CTNNA3: variants seen among roughly 807,000 people sequenced by gnomAD.
CTNNA3 encodes the protein catenin alpha-3.
CTNNA3 carries 76 observed loss-of-function variants against 95.7 expected under a neutral mutation model. The observed-to-expected ratio is 0.79, with a 90% CI of 0.66 to 0.96. CTNNA3 has a LOEUF of 0.96. CTNNA3 is among the 40% of genes least tolerant of loss of function. The pLI is 0.00. For synonymous variants in CTNNA3, 431 were observed against 374.4 expected (o/e 1.15, Z -1.74); for missense variants, 1,191 against 1,089.8 (o/e 1.09, Z -1.31).
chr10:66,153,912 T>G (rs1564706014), intron 13 of CTNNA3, among the ~76,000 whole-genome samples: 1 of 151,574 alleles, frequency 6.6e-6, no homozygotes. Context: ...CATAATAAGT[T>G]TTTTTGTTTA....
intron 7 of CTNNA3, among the ~76,000 whole-genome samples, chr10:66,988,894 G>A (rs546248340): frequency 8.6e-5 from 13 of 151,518 alleles, no homozygotes; most frequent in African/African-American, 2.9e-4. Flanking sequence ...AAATACACCG[G>A]GTTCCCCTAT....
chr10:67,484,266 C>T (rs571043080), intron 5 of CTNNA3, among the ~76,000 whole-genome samples: 2 of 152,282 alleles, frequency 1.3e-5, no homozygotes, highest in South Asian at 2.1e-4. Context: ...GCTGACTAGT[C>T]ATATGCAGAA....
intron 7 of CTNNA3, among the ~76,000 whole-genome samples, chr10:66,959,035 C>T (rs966007926): frequency 3.3e-5 from 5 of 152,074 alleles, no homozygotes; most frequent in Non-Finnish European, 7.4e-5. Context: ...TAATTATACA[C>T]ATCCCCATTG....
At chr10:66,041,450 T>C (rs2079686632) in intron 15 of CTNNA3, among the ~76,000 whole-genome samples, 1 of 152,238 alleles carries the variant, frequency 6.6e-6, no homozygotes, top group South Asian at 2.1e-4. Context: ...ACTATGGTTA[T>C]GTAAGATGTT....
intron 5 of CTNNA3, among the ~76,000 whole-genome samples, chr10:67,372,500 T>C (rs1382440369): frequency 6.6e-6 from 1 of 152,176 alleles, no homozygotes; most frequent in East Asian, 1.9e-4. Flanking sequence ...CTACGTCTGA[T>C]TGGTGTACCT....
At chr10:66,875,939 T>C (rs1181546194) in intron 7 of CTNNA3, among the ~76,000 whole-genome samples, 2 of 152,086 alleles carry the variant, frequency 1.3e-5, no homozygotes, top group Non-Finnish European at 2.9e-5. Flanking sequence ...TGCCTACAGA[T>C]TTGTGGTGTG....
At chr10:67,126,668 T>C (rs1859735707) in intron 7 of CTNNA3, among the ~76,000 whole-genome samples, 4 of 152,246 alleles carry the variant, frequency 2.6e-5, no homozygotes, top group South Asian at 4.1e-4. Flanking sequence ...GGCAAATATA[T>C]GCTGACTAAA....
chr10:66,682,416 C>A lies in CTNNA3; in HGVS notation c.1282-60632G>T, dbSNP rs543179025. Among the ~76,000 whole-genome samples, 26 of 152,190 alleles carry A rather than the reference C, an allele frequency of 1.7e-4. No homozygotes were observed. The South Asian group carries it at 5.2e-3, about 30-fold the overall frequency. On this transcript the variant is annotated intron_variant, in intron 9 of 17. Transcript: ENST00000433211. Reference sequence around the variant, plus strand: ...AATGCAACACAAACATAGAGGCCATCTCCTCAAAACTGACCTGGATGGCTA... The same window carrying A: ...AATGCAACACAAACATAGAGGCCATATCCTCAAAACTGACCTGGATGGCTA...
chr10:67,099,440 CAG>C (rs1227794624), intron 7 of CTNNA3: 1 of 151,490 alleles, frequency 6.6e-6, no homozygotes, highest in Non-Finnish European at 1.5e-5. Flanking sequence ...ATCAATCTAA[CAG>C]GGGCCAATCA....
chr10:67,104,931 T>A (rs1162968576), intron 7 of CTNNA3, among the ~76,000 whole-genome samples: 3 of 152,028 alleles, frequency 2.0e-5, no homozygotes, highest in Non-Finnish European at 4.4e-5. Context: ...GTGGCACCAT[T>A]ACCACCATAC....
At chr10:67,159,770 T>C (rs1054151983) in intron 7 of CTNNA3, among the ~76,000 whole-genome samples, 1 of 152,032 alleles carries the variant, frequency 6.6e-6, no homozygotes, top group Admixed American at 6.6e-5. Context: ...GTAAAATTCT[T>C]AGAAAAAAAT....
chr10:66,668,514 T>C (rs1356567616), intron 9 of CTNNA3, among the ~76,000 whole-genome samples: 1 of 151,816 alleles, frequency 6.6e-6, no homozygotes, highest in Non-Finnish European at 1.5e-5. Context: ...TATATAATCT[T>C]ATATATAAAA....
chr10:67,474,333 C>T (rs1249180262), intron 5 of CTNNA3, among the ~76,000 whole-genome samples: 5 of 152,098 alleles, frequency 3.3e-5, no homozygotes, highest in African/African-American at 7.2e-5. Flanking sequence ...TAATCCAATA[C>T]GACCGCTGTC....
At chr10:66,217,435 T>C (rs374640806) in intron 13 of CTNNA3, among the ~76,000 whole-genome samples, 29 of 152,252 alleles carry the variant, frequency 1.9e-4, no homozygotes, top group African/African-American at 6.3e-4. Flanking sequence ...ATACCTTTGA[T>C]CCATCCAAAT....
intron 3 of CTNNA3, among the ~76,000 whole-genome samples, chr10:67,541,659 A>G (rs1840688339): frequency 6.6e-6 from 1 of 152,122 alleles, no homozygotes; most frequent in Non-Finnish European, 1.5e-5. Context: ...TATTTAGCAC[A>G]GTATTTAAAC....
intron 12 of CTNNA3, among the ~76,000 whole-genome samples, chr10:66,314,120 T>C (rs1589072249): frequency 6.6e-6 from 1 of 152,248 alleles, no homozygotes; most frequent in East Asian, 1.9e-4. Flanking sequence ...AGGAAACATC[T>C]CAGCAGGGGC....
chr10:66,737,840 G>A (rs1228659674), intron 9 of CTNNA3, among the ~76,000 whole-genome samples: 1 of 151,966 alleles, frequency 6.6e-6, no homozygotes, highest in Non-Finnish European at 1.5e-5. Context: ...TGTATTTTTA[G>A]TAGACATGGG....
chr10:66,118,367 A>G (rs1321374775), intron 13 of CTNNA3: 1 of 152,218 alleles, frequency 6.6e-6, no homozygotes, highest in Non-Finnish European at 1.5e-5. Context: ...TACTCAAGCT[A>G]TCTCTTGATG....
At chr10:66,776,195 C>G (rs1412510321) in intron 7 of CTNNA3, among the ~76,000 whole-genome samples, 3 of 152,104 alleles carry the variant, frequency 2.0e-5, no homozygotes, top group African/African-American at 7.2e-5. Flanking sequence ...TTGGTATTTT[C>G]TACATATTAT....
Sources: gnomAD v4.1 joint callset for allele counts (sites outside exome capture counted in the v4.1 genomes callset) on GRCh38, gnomAD v4.1.1 for gene constraint, MANE v1.5 for transcripts, NCBI Gene and HGNC (gene_info 2026-07-23, HGNC 2026-07-21) for gene names.